Variants in DOCK9 observed in about 807,000 individuals in gnomAD.
The protein encoded by DOCK9 is dedicator of cytokinesis 9.
Under a neutral mutation model 263.3 loss-of-function variants are expected in DOCK9, and 89 were observed. The ratio of observed to expected loss-of-function variants is 0.34; its 90% CI spans 0.28 to 0.40. The LOEUF (loss-of-function observed/expected upper bound fraction) is 0.40. Ranked by LOEUF, DOCK9 falls within the 10% of genes least tolerant of loss-of-function variation. DOCK9 has a pLI of 1.00. For synonymous variants in DOCK9, 976 were observed against 973.1 expected, an observed-to-expected ratio of 1.00 and a Z score of -0.06; for missense variants, 2,140 against 2,603.4, an observed-to-expected ratio of 0.82 and a Z score of 3.87.
chr13:98,818,145 A>C (rs757081176), intron 45 of DOCK9, among the ~76,000 whole-genome samples: 6 of 152,258 alleles, frequency 3.9e-5, no homozygotes, highest in Non-Finnish European at 8.8e-5. Flanking sequence ...ACATAAGTAG[A>C]GTGTGGATTA....
chr13:98,979,265 G>C (rs572380653), upstream of DOCK9, among the ~76,000 whole-genome samples: 254 of 147,262 alleles, frequency 1.7e-3, 1 homozygote, highest in Non-Finnish European at 3.2e-3. Context: ...GCAGTATTCA[G>C]TCAGTCAACA....
chr13:98,992,779 T>C (rs940432409), intron 1 of DOCK9, among the ~76,000 whole-genome samples: 2 of 152,220 alleles, frequency 1.3e-5, no homozygotes, highest in Admixed American at 6.5e-5. Context: ...GGTATGTCTT[T>C]ATTAGCAGCA....
intron 1 of DOCK9, chr13:99,015,341 C>T (rs1423152613): frequency 7.0e-6 from 7 of 994,156 alleles, no homozygotes; most frequent in Non-Finnish European, 6.9e-6. Flanking sequence ...TACACACAGA[C>T]TACATACATA....
intron 1 of DOCK9, among the ~76,000 whole-genome samples, chr13:99,042,371 C>G (rs1888544979): frequency 6.6e-6 from 1 of 152,212 alleles, no homozygotes; most frequent in Non-Finnish European, 1.5e-5. Context: ...AGCGCAAGGA[C>G]ACTGTCCAGC....
intron 39 of DOCK9, chr13:98,832,177 A>T (rs983012957): frequency 5.4e-6 from 1 of 185,474 alleles, no homozygotes; most frequent in African/African-American, 2.4e-5. Context: ...AAAAGTACTC[A>T]AGTAAGGTAT....
chr13:98,881,417 A>G lies in DOCK9; in HGVS notation c.2745+141T>C, dbSNP rs73556964. 1,620 of 634,900 alleles carry G rather than the reference A, an allele frequency of 2.6e-3. 19 individuals carry two copies. The African/African-American group carries it at 0.027, about 11-fold the overall frequency. The allele number at this position is 634,900 out of a possible 1,614,324, so 39.3% of individuals were successfully genotyped here. A position where few individuals can be genotyped will look rare whatever the true frequency, so the allele number is the denominator to read the frequency against. ...TTCGTACCTCCCCTATTCAGGTACA[A>G]GCATTGGCTATGAGAAATAGAAGAG... On this transcript the variant is annotated intron_variant, in intron 25 of 52. Transcript: ENST00000682017.
intron 2 of DOCK9, among the ~76,000 whole-genome samples, chr13:98,954,361 G>A (rs911315958): frequency 3.3e-5 from 5 of 152,174 alleles, no homozygotes; most frequent in African/African-American, 1.2e-4. Flanking sequence ...GCCAGGATCA[G>A]GTCCCAGGAG....
At chr13:99,061,774 G>C (rs912175285) in intron 1 of DOCK9, among the ~76,000 whole-genome samples, 4 of 151,788 alleles carry the variant, frequency 2.6e-5, no homozygotes, top group Non-Finnish European at 5.9e-5. Flanking sequence ...TCCCATTCCG[G>C]TACTGTTTGG....
intron 21 of DOCK9, 87 bp from the exon 22 acceptor site, chr13:98,883,986 C>T: frequency 1.1e-6 from 1 of 916,790 alleles, no homozygotes; most frequent in Non-Finnish European, 1.6e-6. Context: ...TGATGAGGGA[C>T]TGAAAGAGGG....
chr13:98,984,134 T>C (rs977699130), intron 1 of DOCK9, among the ~76,000 whole-genome samples: 1 of 152,148 alleles, frequency 6.6e-6, no homozygotes, highest in Non-Finnish European at 1.5e-5. Context: ...AAGGGACCAT[T>C]GGAAGGTCCT....
In DOCK9 at chr13:98,829,479, A is replaced by G. The variant is rs751386654; in HGVS notation, c.4793T>C (p.Ile1598Thr). Residue 1598 changes from isoleucine to threonine, a missense_variant, in exon 43 of 53, where the codon ATA (isoleucine) becomes ACA (threonine). This residue lies in a region of DOCK9 where 619 missense variants were observed against 861.8 expected (regional missense o/e 0.72). Transcript: ENST00000682017. This position sits in a 1 kb window ranked among gnomAD's most constrained non-coding sequence, Gnocchi z 4.1. ...SSDVKDLTKRIRTVLMATAQM... is the reference protein window; with the variant it reads ...SSDVKDLTKRTRTVLMATAQM... ...GGCGGTGGCCATTAGCACCGTGCGT[A>G]TCCTTTTGGTTAAGTCCTTCACATC... The G allele has an allele frequency of 1.9e-5, 31 of 1,613,860 alleles. No homozygotes were observed. The highest frequency in any genetic ancestry group is 2.5e-5 in the Non-Finnish European group (29 of 1,179,850).
At chr13:98,851,880 G>A (rs1339564936) in intron 35 of DOCK9, among the ~76,000 whole-genome samples, 1 of 152,092 alleles carries the variant, frequency 6.6e-6, no homozygotes, top group Non-Finnish European at 1.5e-5. Flanking sequence ...TTTCTTAAAT[G>A]GGATGCACAC....
chr13:99,048,905 T>A (rs2040558013), intron 1 of DOCK9, among the ~76,000 whole-genome samples: 1 of 152,204 alleles, frequency 6.6e-6, no homozygotes, highest in South Asian at 2.1e-4. Flanking sequence ...CAGCAAAGCT[T>A]AATAAGCTGA....
Position 98,885,824 on chromosome 13 carries a change from A to G in DOCK9, c.2144T>C (p.Ile715Thr). 6.2e-7 allele frequency: 1 copy of G among 1,602,976 alleles called. No individual in the cohort carries two copies. The highest frequency in any genetic ancestry group is 8.5e-7 in the Non-Finnish European group (1 of 1,177,248). Residue 715 changes from isoleucine (I) to threonine (T), a missense_variant, in exon 20 of 53, where the codon ATA becomes ACA. Physicochemically the swap from Ile to Thr is moderately conservative, Grantham distance 89. Coordinates refer to ENST00000682017, the MANE Select transcript of DOCK9 (RefSeq NM_001366683.2). ...QNPEFYDEIK[I>T]ELPTQLHEKH... is the part of the protein sequence containing the mutation. ...TTCATGCAGCTGAGTGGGCAACTCT[A>G]TTTTAATCTGCAAGGGAAGACAAAA...
At chr13:99,061,469 T>C (rs1425750799) in intron 1 of DOCK9, among the ~76,000 whole-genome samples, 1 of 152,206 alleles carries the variant, frequency 6.6e-6, no homozygotes, top group Non-Finnish European at 1.5e-5. Context: ...AGATGGGAGA[T>C]GCACTGAATT....
At chr13:99,055,364 C>T (rs111433644) in intron 1 of DOCK9, among the ~76,000 whole-genome samples, 326 of 152,278 alleles carry the variant, frequency 2.1e-3, no homozygotes, top group African/African-American at 7.2e-3. Context: ...GAAAAGAGGA[C>T]TCCCTGTGAG....
Position 98,886,526 on chromosome 13 carries a change from A to G in DOCK9, c.2136+6T>C. 6.2e-7 allele frequency: 1 copy of G among 1,613,312 alleles called. No individual in the cohort carries two copies. Among genetic ancestry groups the G allele is most frequent in the Non-Finnish European group, 8.5e-7 (1 of 1,179,410 alleles). On this transcript the variant is annotated splice_donor_region_variant and intron_variant, in intron 19 of 52. Transcript: ENST00000682017. ...AATTCGGTTTTCCCTTAAAAACATC[A>G]CTTACCTCATCATAAAATTCTGGGT...
At chr13:98,814,342 A>G (rs2091606047) in intron 45 of DOCK9, among the ~76,000 whole-genome samples, 1 of 151,776 alleles carries the variant, frequency 6.6e-6, no homozygotes, top group South Asian at 2.1e-4. Flanking sequence ...AATGACATGA[A>G]GAAATCAGAA....
At chr13:98,890,321 C>G (rs1459111126) in intron 15 of DOCK9, among the ~76,000 whole-genome samples, 2 of 151,560 alleles carry the variant, frequency 1.3e-5, no homozygotes, top group South Asian at 2.1e-4. Context: ...TCCCTAGCAT[C>G]TGGTTTTTCC....
Sources: allele counts gnomAD v4.1 joint callset (sites outside exome capture counted in the v4.1 genomes callset), GRCh38; gene constraint gnomAD v4.1.1; regional missense constraint gnomAD v4.1.1; non-coding constraint Gnocchi (gnomAD v3.1); transcripts MANE v1.5; gene names NCBI Gene and HGNC (gene_info 2026-07-23, HGNC 2026-07-21).